The following ADAM8 variants were observed in gnomAD, a reference collection of about 807,000 sequenced individuals.
The protein encoded by ADAM8 is disintegrin and metalloproteinase domain-containing protein 8.
ADAM8 carries 104 observed loss-of-function variants against 102.4 expected under a neutral mutation model. That is an observed-to-expected ratio of 1.02 (90% CI 0.87 to 1.20). ADAM8 has a LOEUF of 1.20. Ranked by LOEUF, ADAM8 falls within the 50% of genes most tolerant of loss-of-function variation. The pLI is 0.00. For synonymous variants in ADAM8, 517 were observed against 485.2 expected (o/e 1.07, Z -0.86); for missense variants, 1,132 against 1,159.0 (o/e 0.98, Z 0.34).
At position 133,271,670 on chromosome 10, in the gene ADAM8, T is replaced by C. The variant is rs1199532078; in HGVS notation, c.1142A>G (p.Gln381Arg). The change falls in exon 12 of 23, where the codon CAG (glutamine) becomes CGG (arginine). Residue 381 changes from glutamine (Q) to arginine (R), a missense_variant. By Grantham distance (43) the Gln-to-Arg change is conservative. Transcript: ENST00000445355. ...CTCCAAAAAGCTCTCCAGGTAGGCC[T>C]GGCTGCAGTCACTGAACATCCTGGG... The part of the protein sequence containing the change: ...SFPRMFSDCS[Q>R]AYLESFLERP... 6.4e-7 allele frequency: 1 copy of C among 1,567,770 alleles called. No individual in the cohort carries two copies. Among genetic ancestry groups the C allele is most frequent in the Admixed American group, 1.9e-5 (1 of 52,330 alleles).
intron 18 of ADAM8, 142 bp from the exon 19 acceptor site, chr10:133,269,004 T>C: frequency 6.9e-7 from 1 of 1,454,288 alleles, no homozygotes; most frequent in South Asian, 1.4e-5. Flanking sequence ...TACCTTACAC[T>C]GGCACTCCCA....
intron 21 of ADAM8, among the ~76,000 whole-genome samples, chr10:133,264,446 T>C (rs1846260389): frequency 6.6e-6 from 1 of 152,204 alleles, no homozygotes; most frequent in Admixed American, 6.5e-5. Flanking sequence ...TTTCTTTGCA[T>C]TTCAGCTTTC....
chr10:133,270,211 G>A (rs1041275880), intron 16 of ADAM8, 149 bp downstream of exon 16: 9 of 1,209,282 alleles, frequency 7.4e-6, no homozygotes, highest in Non-Finnish European at 9.1e-6. Context: ...CCCACCCCCG[G>A]AAACCTTTCA....
intron 20 of ADAM8, 56 bp downstream of exon 20, chr10:133,267,873 G>C (rs1268227637): frequency 8.0e-7 from 1 of 1,256,016 alleles, no homozygotes; most frequent in East Asian, 3.1e-5. Context: ...TGGGGTCGCA[G>C]GATGGGGCCT....
At chr10:133,267,071 G>C (rs897698381) in intron 21 of ADAM8, among the ~76,000 whole-genome samples, 4 of 152,120 alleles carry the variant, frequency 2.6e-5, no homozygotes, top group African/African-American at 9.7e-5. Context: ...CTTCAGCTCT[G>C]GGAGGGGCTT....
chr10:133,273,735 G>A, intron 5 of ADAM8, 27 bp downstream of exon 5: 1 of 1,544,158 alleles, frequency 6.5e-7, no homozygotes, highest in Non-Finnish European at 8.7e-7. Context: ...ACCTGCGGGA[G>A]CCCTGGCGTT....
Position 133,276,829 on chromosome 10 carries a change from G to T in ADAM8, c.-12C>A. 6.6e-7 allele frequency: 1 copy of T among 1,523,108 alleles called. No individual in the cohort carries two copies. Among genetic ancestry groups the T allele is most frequent in the Non-Finnish European group, 8.8e-7 (1 of 1,138,878 alleles). The allele number at this position is 1,523,108 out of a possible 1,614,324, so 94.3% of individuals were successfully genotyped here. ...CCGAGGCCGCGCATGGCCGGGTCGG[G>T]GAGCAGAGGCGGAGGTGACAGCCCC... On this transcript the variant is annotated 5_prime_UTR_variant, in exon 1 of 23. Coordinates refer to ENST00000445355, the MANE Select transcript of ADAM8 (RefSeq NM_001109.5).
chr10:133,269,628 C>T (rs913244658), intron 17 of ADAM8, 99 bp from the exon 18 acceptor site: 1 of 1,255,626 alleles, frequency 8.0e-7, no homozygotes. Flanking sequence ...AGCCCCACCC[C>T]CGAGGGCCCC....
chr10:133,273,541 T>A, intron 5 of ADAM8, 98 bp from the exon 6 acceptor site: 1 of 1,385,504 alleles, frequency 7.2e-7, no homozygotes, highest in South Asian at 1.5e-5. Flanking sequence ...CAGCTCCCCC[T>A]ACCCTGCCAC....
chr10:133,272,506 G>T lies in ADAM8; in HGVS notation c.785C>A (p.Pro262His). The change falls in exon 9 of 23, where the codon CCC (proline) becomes CAC (histidine). Residue 262 changes from proline (P) to histidine (H), a missense_variant. Coordinates refer to ENST00000445355, the MANE Select transcript of ADAM8 (RefSeq NM_001109.5). ...GTTCTCCAGTGTGACACTGGGGTCG[G>T]GGCTGACGTGGAACCTGTCCTGACT... ...WNSQDRFHVS[P>H]DPSVTLENLL... 6.2e-7 allele frequency: 1 copy of T among 1,612,232 alleles called. No individual in the cohort carries two copies.
chr10:133,267,113 A>T (rs568650812), intron 21 of ADAM8, among the ~76,000 whole-genome samples: 105 of 152,246 alleles, frequency 6.9e-4, no homozygotes, highest in African/African-American at 2.3e-3. Context: ...TGGAAGGAGA[A>T]GGAGCCAGGA....
Position 133,269,977 on chromosome 10 carries a change from G to T in ADAM8, c.1786-3C>A. On this transcript the variant is annotated splice_region_variant and splice_polypyrimidine_tract_variant and intron_variant, in intron 16 of 22. Transcript: ENST00000445355. ...TGGCAACGTCCTTTCCAGCAAACCT[G>T]GGGGTAGGAGGCGTCTCTCAGGCAG... 1 of 1,612,504 alleles carries T rather than the reference G, an allele frequency of 6.2e-7. No homozygotes were observed. The highest frequency in any genetic ancestry group is 8.5e-7 in the Non-Finnish European group (1 of 1,179,896).
Position 133,263,088 on chromosome 10 carries a change from G to A in ADAM8, c.*68C>T, listed in dbSNP as rs982838006. The A allele has an allele frequency of 3.2e-6, 5 of 1,569,982 alleles. No individual in the cohort carries two copies. The highest frequency in any genetic ancestry group is 4.4e-6 in the Non-Finnish European group (5 of 1,139,926). On this transcript the variant is annotated 3_prime_UTR_variant, in exon 23 of 23. Coordinates refer to ENST00000445355, the MANE Select transcript of ADAM8 (RefSeq NM_001109.5). ...GGCTGAGCGGCACTAGCTGGACCGT[G>A]GAATGCTGGAACGCATGGCTTCTCT...
intron 1 of ADAM8, 85 bp downstream of exon 1, chr10:133,276,687 A>G: frequency 6.7e-7 from 1 of 1,493,672 alleles, no homozygotes; most frequent in Non-Finnish European, 8.9e-7. Context: ...CGAGCAGGCC[A>G]GGGGCTCGGG....
chr10:133,267,557 T>C (rs1458993165), intron 20 of ADAM8, 140 bp from the exon 21 acceptor site: 1 of 824,800 alleles, frequency 1.2e-6, no homozygotes, highest in Non-Finnish European at 1.9e-6. Context: ...CCACCCCAGA[T>C]GAGAGGCCCC....
In ADAM8 at chr10:133,275,067, C is replaced by T. The variant is rs1023993575; in HGVS notation, c.150+417G>A. The T allele has an allele frequency of 3.9e-5, 11 of 282,450 alleles. No individual in the cohort carries two copies. The East Asian group carries it at 7.1e-4, about 18-fold the overall frequency. 17.5% of individuals were successfully genotyped at this position (282,450 alleles called of 1,614,324 possible). ...CCACTCAGGCTTCAGGAATCACCCTCGGGCAGCCCCAGTCGGGGAGGGGGG... is the reference window on the plus strand; with the variant it reads ...CCACTCAGGCTTCAGGAATCACCCTTGGGCAGCCCCAGTCGGGGAGGGGGG... On this transcript the variant is annotated intron_variant, in intron 2 of 22. Transcript: ENST00000445355.
At position 133,267,563 on chromosome 10, in the gene ADAM8, G is replaced by GCCCCGC. The variant is rs1846364252; in HGVS notation, c.2254-152_2254-147dup. 1.0e-5 allele frequency: 8 copies of GCCCCGC among 794,764 alleles called. No individual in the cohort carries two copies. In the South Asian group the frequency reaches 1.3e-4, roughly 13 times the overall value. The allele number at this position is 794,764 out of a possible 1,614,324, so 49.2% of individuals were successfully genotyped here. A position where few individuals can be genotyped will look rare whatever the true frequency, so the allele number is the denominator to read the frequency against. ...CACAGGGCCCCACCCCAGATGAGAGGCCCCGCCCCATTCCTCCCCTCAGCC... is the reference window on the plus strand; with the variant it reads ...CACAGGGCCCCACCCCAGATGAGAGGCCCCGCCCCCGCCCCATTCCTCCCCTCAGCC... On this transcript the variant is annotated intron_variant, in intron 20 of 22. Transcript: ENST00000445355.
At chr10:133,266,016 C>A (rs1237979101) in intron 21 of ADAM8, among the ~76,000 whole-genome samples, 1 of 152,182 alleles carries the variant, frequency 6.6e-6, no homozygotes, top group South Asian at 2.1e-4. Flanking sequence ...GTGTCAACAT[C>A]CCCCGTGACC....
rs1040389488 is a variant in ADAM8, at chr10:133,271,438, C to T, written c.1284+90G>A. Reference sequence around the variant, plus strand: ...GACACCCACAGAGCCCCAAGTTCCACGTGTGGATGTGCAGTGGTCACCCTG... The same window carrying T: ...GACACCCACAGAGCCCCAAGTTCCATGTGTGGATGTGCAGTGGTCACCCTG... On this transcript the variant is annotated intron_variant, in intron 12 of 22. Coordinates refer to ENST00000445355, the MANE Select transcript of ADAM8 (RefSeq NM_001109.5). The T allele has an allele frequency of 4.7e-6, 7 of 1,475,136 alleles. No homozygotes were observed. The African/African-American group carries it at 5.6e-5, about 12-fold the overall frequency. The allele number at this position is 1,475,136 out of a possible 1,614,324, so 91.4% of individuals were successfully genotyped here. A position where few individuals can be genotyped will look rare whatever the true frequency, so the allele number is the denominator to read the frequency against.
Sources: gnomAD v4.1 joint callset for allele counts (sites outside exome capture counted in the v4.1 genomes callset) on GRCh38, gnomAD v4.1.1 for gene constraint, MANE v1.5 for transcripts, NCBI Gene and HGNC (gene_info 2026-07-23, HGNC 2026-07-21) for gene names.